The following RASSF9 variants were observed in gnomAD, a reference collection of about 807,000 sequenced individuals.
The protein encoded by RASSF9 is ras association domain-containing protein 9.
RASSF9 carries 18 observed loss-of-function variants against 21.4 expected under a neutral mutation model. That is an observed-to-expected ratio of 0.84 (90% confidence interval 0.58 to 1.25). RASSF9 has a LOEUF of 1.25. Ranked by LOEUF, RASSF9 falls within the 50% of genes most tolerant of loss-of-function variation. The pLI is 0.00. For missense variants in RASSF9, 480 were observed against 503.2 expected (o/e 0.95, Z 0.44); for synonymous variants, 183 against 179.1 (o/e 1.02, Z -0.18).
At chr12:85,812,725 T>A (rs1469417839) in intron 1 of RASSF9, among the ~76,000 whole-genome samples, 3 of 151,620 alleles carry the variant, frequency 2.0e-5, no homozygotes, top group Admixed American at 2.0e-4. Context: ...TTATTAGGAA[T>A]GACAATAAAA....
At chr12:85,815,204 G>A (rs1880035010) in intron 1 of RASSF9, among the ~76,000 whole-genome samples, 1 of 152,000 alleles carries the variant, frequency 6.6e-6, no homozygotes, top group Non-Finnish European at 1.5e-5. Flanking sequence ...TCTGGTTTAG[G>A]GGAGTTGTAG....
At position 85,804,613 on chromosome 12, in the gene RASSF9, T is replaced by C; in HGVS notation, c.*89A>G. The C allele has an allele frequency of 1.6e-6, 2 of 1,285,308 alleles. No homozygotes were observed. The highest frequency in any genetic ancestry group is 2.1e-6 in the Non-Finnish European group (2 of 950,164). 79.6% of individuals were successfully genotyped at this position (1,285,308 alleles called of 1,614,324 possible). ...TTGAATACTACAATATGATTTACAT[T>C]TTTTTGAGTGTTATATTTAAAATGA... On this transcript the variant is annotated 3_prime_UTR_variant, in exon 2 of 2. Transcript: ENST00000361228.
At chr12:85,807,905 A>G (rs1012542726) in intron 1 of RASSF9, among the ~76,000 whole-genome samples, 1 of 152,200 alleles carries the variant, frequency 6.6e-6, no homozygotes, top group African/African-American at 2.4e-5. Flanking sequence ...AATGCTAAGA[A>G]ACAAATGACA....
rs60760019 is a variant in RASSF9, at chr12:85,818,956, C to CAAAAA, written c.48-12999_48-12995dup. On this transcript the variant is annotated intron_variant, in intron 1 of 1. Transcript: ENST00000361228. ...CCTGGGCGAGAGAGCGAGACTCCGT[C>CAAAAA]AAAAAAAAAAAAAAAAAAAAAAAAG... 3.3e-3 allele frequency among the ~76,000 whole-genome samples: 219 copies of CAAAAA among 66,612 alleles called. 2 individuals carry two copies. Among genetic ancestry groups the CAAAAA allele is most frequent in the African/African-American group, 0.012 (194 of 16,330 alleles). 43.7% of individuals were successfully genotyped at this position (66,612 alleles called of 152,430 possible).
Position 85,802,788 on chromosome 12 carries a change from A to G in RASSF9, c.*1914T>C, listed in dbSNP as rs1269141692. The G allele has an allele frequency of 6.6e-6, 1 of 152,218 alleles. No individual in the cohort carries two copies. Among genetic ancestry groups the G allele is most frequent in the East Asian group, 1.9e-4 (1 of 5,204 alleles). 9.4% of individuals were successfully genotyped at this position (152,218 alleles called of 1,614,324 possible). A position where few individuals can be genotyped will look rare whatever the true frequency, so the allele number is the denominator to read the frequency against. On this transcript the variant is annotated 3_prime_UTR_variant, in exon 2 of 2. Transcript: ENST00000361228. Reference sequence around the variant, plus strand: ...TTCTGAATTTGATCCCCATTAGTGAACAATGAATATGTCAGTGGCTTATAT... The same window carrying G: ...TTCTGAATTTGATCCCCATTAGTGAGCAATGAATATGTCAGTGGCTTATAT...
At chr12:85,819,256 G>T (rs550610819) in intron 1 of RASSF9, among the ~76,000 whole-genome samples, 2 of 151,664 alleles carry the variant, frequency 1.3e-5, no homozygotes, top group South Asian at 4.2e-4. Flanking sequence ...TATGTTGCTG[G>T]AGCTGGTCCC....
At chr12:85,808,693 T>C (rs1486544334) in intron 1 of RASSF9, among the ~76,000 whole-genome samples, 1 of 151,394 alleles carries the variant, frequency 6.6e-6, no homozygotes, top group African/African-American at 2.4e-5. Flanking sequence ...CCAAAATTAG[T>C]ATAACATTTT....
chr12:85,804,141 C>G lies in RASSF9; in HGVS notation c.*561G>C, dbSNP rs1879760986. ...GTATTTATACATGTCCCAACAGCAG[C>G]CTGTTTCATAGGCCTCAACAGGTAG... On this transcript the variant is annotated 3_prime_UTR_variant, in exon 2 of 2. Coordinates refer to ENST00000361228, the MANE Select transcript of RASSF9 (RefSeq NM_005447.4). 1 of 152,320 alleles carries G rather than the reference C, an allele frequency of 6.6e-6. No individual in the cohort carries two copies. 9.4% of individuals were successfully genotyped at this position (152,320 alleles called of 1,614,324 possible).
intron 1 of RASSF9, among the ~76,000 whole-genome samples, chr12:85,834,987 G>A (rs1565759023): frequency 6.6e-6 from 1 of 151,996 alleles, no homozygotes; most frequent in Non-Finnish European, 1.5e-5. Flanking sequence ...AACTTTTACA[G>A]TATTTATTAA....
intron 1 of RASSF9, among the ~76,000 whole-genome samples, chr12:85,824,999 CATTTATTTATTT>C (rs568305097): frequency 1.3e-5 from 2 of 152,008 alleles, no homozygotes; most frequent in South Asian, 4.2e-4. Flanking sequence ...AATGTGTGCT[CATTTATTTATTT>C]ATTTATTTAT....
chr12:85,806,912 T>C (rs1264991164), intron 1 of RASSF9, among the ~76,000 whole-genome samples: 1 of 152,116 alleles, frequency 6.6e-6, no homozygotes, highest in Non-Finnish European at 1.5e-5. Context: ...CAATTGTTTA[T>C]TTCATGCCAA....
At position 85,803,125 on chromosome 12, in the gene RASSF9, A is replaced by C. The variant is rs1879737229; in HGVS notation, c.*1577T>G. On this transcript the variant is annotated 3_prime_UTR_variant, in exon 2 of 2. Transcript: ENST00000361228. ...AGGAACAAATATGTTAAGAAGATTT[A>C]AGGAGCAATATATTTTTTTAAATGA... The C allele has an allele frequency of 6.6e-6, 1 of 152,140 alleles. No homozygotes were observed. The highest frequency in any genetic ancestry group is 6.5e-5 in the Admixed American group (1 of 15,280). 9.4% of individuals were successfully genotyped at this position (152,140 alleles called of 1,614,324 possible).
chr12:85,835,247 A>G (rs1198372561), intron 1 of RASSF9, among the ~76,000 whole-genome samples: 1 of 152,130 alleles, frequency 6.6e-6, no homozygotes, highest in African/African-American at 2.4e-5. Context: ...TGATTGAGAG[A>G]AAAGTGGTGG....
chr12:85,810,479 T>TA (rs1024109498), intron 1 of RASSF9, among the ~76,000 whole-genome samples: 6 of 151,812 alleles, frequency 4.0e-5, no homozygotes, highest in African/African-American at 1.4e-4. Context: ...TTCATAAAGT[T>TA]AAAAAAATTA....
Position 85,801,956 on chromosome 12 carries a change from T to C in RASSF9, c.*2746A>G, listed in dbSNP as rs1879715162. ...GGTTCAGAGATGAGATTCCAACTAA[T>C]TGAATGGAACAAACGTATATCATAG... On this transcript the variant is annotated 3_prime_UTR_variant, in exon 2 of 2. Coordinates refer to ENST00000361228, the MANE Select transcript of RASSF9 (RefSeq NM_005447.4). 1 of 152,204 alleles carries C rather than the reference T, an allele frequency of 6.6e-6. No individual in the cohort carries two copies. The highest frequency in any genetic ancestry group is 6.5e-5 in the Admixed American group (1 of 15,280). 9.4% of individuals were successfully genotyped at this position (152,204 alleles called of 1,614,324 possible). A position where few individuals can be genotyped will look rare whatever the true frequency, so the allele number is the denominator to read the frequency against.
rs79129263 is a variant in RASSF9 at position 85,801,822 on chromosome 12, A to G, written c.*2880T>C. The G allele has an allele frequency of 0.071, 10,796 of 152,382 alleles. 540 individuals carry two copies. The highest frequency in any genetic ancestry group is 0.18 in the Middle Eastern group (54 of 294). 9.4% of individuals were successfully genotyped at this position (152,382 alleles called of 1,614,324 possible). A position where few individuals can be genotyped will look rare whatever the true frequency, so the allele number is the denominator to read the frequency against. ...AGAGTGAGACTCCGTCTCAAGGAAA[A>G]AAAAAATAGAATTCATTGAAGGAGG... is the stretch of plus-strand genomic sequence containing the variant. On this transcript the variant is annotated 3_prime_UTR_variant, in exon 2 of 2. Coordinates refer to ENST00000361228, the MANE Select transcript of RASSF9 (RefSeq NM_005447.4).
At position 85,803,810 on chromosome 12, in the gene RASSF9, T is replaced by A. The variant is rs889467190; in HGVS notation, c.*892A>T. ...GTCCATGTGGTCTCCTCTCTGTAGG[T>A]TCAGAGACAAAATGCTAATAATTAT... On this transcript the variant is annotated 3_prime_UTR_variant, in exon 2 of 2. Coordinates refer to ENST00000361228, the MANE Select transcript of RASSF9 (RefSeq NM_005447.4). 6.6e-6 allele frequency: 1 copy of A among 152,164 alleles called. No individual in the cohort carries two copies. The highest frequency in any genetic ancestry group is 2.4e-5 in the African/African-American group (1 of 41,446). The allele number at this position is 152,164 out of a possible 1,614,324, so 9.4% of individuals were successfully genotyped here. A position where few individuals can be genotyped will look rare whatever the true frequency, so the allele number is the denominator to read the frequency against.
At chr12:85,828,093 T>A (rs1880371899) in intron 1 of RASSF9, among the ~76,000 whole-genome samples, 1 of 152,164 alleles carries the variant, frequency 6.6e-6, no homozygotes. Flanking sequence ...TGTGTCTTGT[T>A]AATCAGCAAG....
chr12:85,804,607 T>A lies in RASSF9; in HGVS notation c.*95A>T. 1 of 1,246,082 alleles carries A rather than the reference T, an allele frequency of 8.0e-7. No individual in the cohort carries two copies. The highest frequency in any genetic ancestry group is 1.8e-5 in the South Asian group (1 of 56,934). The allele number at this position is 1,246,082 out of a possible 1,614,324, so 77.2% of individuals were successfully genotyped here. On this transcript the variant is annotated 3_prime_UTR_variant, in exon 2 of 2. Transcript: ENST00000361228. ...TAACTATTGAATACTACAATATGATTTACATTTTTTTGAGTGTTATATTTA... is the reference window on the plus strand; with the variant it reads ...TAACTATTGAATACTACAATATGATATACATTTTTTTGAGTGTTATATTTA...
Sources: gnomAD v4.1 joint callset for allele counts (sites outside exome capture counted in the v4.1 genomes callset) on GRCh38, gnomAD v4.1.1 for gene constraint, MANE v1.5 for transcripts, NCBI Gene and HGNC (gene_info 2026-07-23, HGNC 2026-07-21) for gene names.